The following SLC24A2 variants were observed in gnomAD, a reference collection of about 807,000 sequenced individuals.
The protein encoded by SLC24A2 is solute carrier family 24 member 2.
A neutral mutation model predicts 62.0 loss-of-function variants in SLC24A2; 36 were observed. The ratio of observed to expected loss-of-function variants is 0.58; its 90% CI spans 0.44 to 0.77. The LOEUF (loss-of-function observed/expected upper bound fraction) is 0.77, where lower values mean the gene tolerates loss of function less well. SLC24A2 is among the 30% of genes least tolerant of loss of function. The probability of loss-of-function intolerance (pLI) is 0.00; values close to 1 mark genes in which losing one functional copy is unlikely to be tolerated. For missense variants in SLC24A2, 846 were observed against 817.9 expected (o/e 1.03, Z -0.42); for synonymous variants, 358 against 294.0 (o/e 1.22, Z -2.23).
At chr9:20,245,115 C>A in the SLC24A2 span, among the ~76,000 whole-genome samples, 1 of 152,024 alleles carries the variant, frequency 6.6e-6, no homozygotes, top group African/African-American at 2.4e-5. Flanking sequence ...TAGGTAGGCC[C>A]TAGTGACACA....
the SLC24A2 span, among the ~76,000 whole-genome samples, chr9:19,903,867 C>G: frequency 6.6e-6 from 1 of 152,234 alleles, no homozygotes; most frequent in African/African-American, 2.4e-5. Context: ...TTCAGGTAAC[C>G]CAGGTATTCT....
chr9:19,841,579 A>G, the SLC24A2 span, among the ~76,000 whole-genome samples: 1 of 152,132 alleles, frequency 6.6e-6, no homozygotes, highest in African/African-American at 2.4e-5. Flanking sequence ...CTCTTAATTC[A>G]CCTTTTTGGC....
At chr9:20,298,603 C>T in the SLC24A2 span, among the ~76,000 whole-genome samples, 1 of 152,236 alleles carries the variant, frequency 6.6e-6, no homozygotes, top group Admixed American at 6.5e-5. Flanking sequence ...TCCTAATATA[C>T]AATGTTCTAT....
chr9:19,516,106 T>A lies in SLC24A2; in HGVS notation c.*47A>T, dbSNP rs1189404618. On this transcript the variant is annotated 3_prime_UTR_variant, in exon 11 of 11. Transcript: ENST00000341998. ...AGGTCAAGGAGCCCAGAGCCCAGAG[T>A]GTGGAGGGACCATTCATGCTGCTGG... 2 of 1,611,882 alleles carry A rather than the reference T, an allele frequency of 1.2e-6. No individual in the cohort carries two copies. The highest frequency in any genetic ancestry group is 3.3e-5 in the Admixed American group (2 of 59,948).
At chr9:19,878,965 A>G in the SLC24A2 span, among the ~76,000 whole-genome samples, 7 of 152,098 alleles carry the variant, frequency 4.6e-5, no homozygotes, top group African/African-American at 1.7e-4. Context: ...ACACTCCATA[A>G]TTCAAAACAT....
chr9:19,844,622 G>C, the SLC24A2 span, among the ~76,000 whole-genome samples: 1 of 151,902 alleles, frequency 6.6e-6, no homozygotes, highest in African/African-American at 2.4e-5. Flanking sequence ...TGTTTCTTAG[G>C]TTTTCTTCTG....
At chr9:19,995,214 T>A in the SLC24A2 span, among the ~76,000 whole-genome samples, 5 of 151,964 alleles carry the variant, frequency 3.3e-5, no homozygotes, top group South Asian at 2.1e-4. Flanking sequence ...TTCACGCGTA[T>A]CTTTTAGACT....
the SLC24A2 span, among the ~76,000 whole-genome samples, chr9:19,829,804 TATATATACACAC>T: frequency 0.02 from 877 of 43,388 alleles, 9 homozygotes; most frequent in Non-Finnish European, 0.033. Flanking sequence ...TGTGTATATA[TATATATACACAC>T]ACACACACAC....
chr9:19,901,278 G>A, the SLC24A2 span, among the ~76,000 whole-genome samples: 1 of 152,220 alleles, frequency 6.6e-6, no homozygotes, highest in Non-Finnish European at 1.5e-5. Flanking sequence ...CTTCCTGGGT[G>A]TAGGGGAGGA....
the SLC24A2 span, among the ~76,000 whole-genome samples, chr9:19,801,086 G>A: frequency 2.3e-3 from 346 of 152,290 alleles, no homozygotes; most frequent in Middle Eastern, 0.014. Context: ...GTGGCCGGCC[G>A]CTTCCAAAAT....
chr9:20,151,980 TG>T, the SLC24A2 span, among the ~76,000 whole-genome samples: 1 of 151,898 alleles, frequency 6.6e-6, no homozygotes, highest in Non-Finnish European at 1.5e-5. Context: ...GAAAATTGTA[TG>T]TTTTTCCTTC....
chr9:19,977,859 C>A, the SLC24A2 span, among the ~76,000 whole-genome samples: 3 of 152,104 alleles, frequency 2.0e-5, no homozygotes, highest in Non-Finnish European at 4.4e-5. Context: ...ACACAGAGCT[C>A]CCAGCCCCAC....
chr9:19,664,779 G>T (rs1243871750), intron 2 of SLC24A2, among the ~76,000 whole-genome samples: 2 of 152,120 alleles, frequency 1.3e-5, no homozygotes, highest in Non-Finnish European at 1.5e-5. Flanking sequence ...GAGACTGGGG[G>T]TGATACAGCT....
the SLC24A2 span, among the ~76,000 whole-genome samples, chr9:19,830,332 A>AT: frequency 1.3e-5 from 2 of 152,170 alleles, no homozygotes; most frequent in African/African-American, 2.4e-5. Flanking sequence ...CAATTAATAT[A>AT]TTTTTTACAT....
At chr9:19,834,052 C>A in the SLC24A2 span, among the ~76,000 whole-genome samples, 62 of 152,196 alleles carry the variant, frequency 4.1e-4, no homozygotes, top group African/African-American at 1.3e-3. Flanking sequence ...ACAGAAAGGA[C>A]CTCCACCCCA....
the SLC24A2 span, among the ~76,000 whole-genome samples, chr9:20,103,449 C>T: frequency 1.3e-5 from 2 of 152,220 alleles, no homozygotes; most frequent in Admixed American, 6.5e-5. Flanking sequence ...AGGCACCCCC[C>T]AGCAGGGGCA....
At chr9:19,693,577 A>G (rs1409398331) in intron 2 of SLC24A2, among the ~76,000 whole-genome samples, 1 of 152,148 alleles carries the variant, frequency 6.6e-6, no homozygotes, top group East Asian at 1.9e-4. Flanking sequence ...AAAGAGATTT[A>G]AAAACGGTGT....
At chr9:19,888,941 T>C in the SLC24A2 span, among the ~76,000 whole-genome samples, 1 of 152,134 alleles carries the variant, frequency 6.6e-6, no homozygotes, top group South Asian at 2.1e-4. Flanking sequence ...GTGACACAGG[T>C]ATCCTGACAA....
intron 2 of SLC24A2, among the ~76,000 whole-genome samples, chr9:19,681,723 G>A (rs1431697648): frequency 6.6e-6 from 1 of 152,116 alleles, no homozygotes; most frequent in Non-Finnish European, 1.5e-5. Context: ...AAAGCAGTGG[G>A]CAATAATAGA....
Sources: gnomAD v4.1 joint callset for allele counts (sites outside exome capture counted in the v4.1 genomes callset) on GRCh38, gnomAD v4.1.1 for gene constraint, MANE v1.5 for transcripts, NCBI Gene and HGNC (gene_info 2026-07-23, HGNC 2026-07-21) for gene names.